Variants in GABRR3 observed in about 807,000 individuals in gnomAD.
GABRR3 encodes the protein gamma-aminobutyric acid type A receptor subunit rho3.
In GABRR3, 29 loss-of-function variants were observed where a neutral mutation model predicts 43.2. The observed-to-expected ratio is 0.67, with a 90% CI of 0.50 to 0.92. GABRR3 has a LOEUF of 0.92. Ranked by LOEUF, GABRR3 falls within the 40% of genes least tolerant of loss-of-function variation. The pLI is 0.00. For missense variants in GABRR3, 576 were observed against 572.3 expected (o/e 1.01, Z -0.07); for synonymous variants, 206 against 195.9 (o/e 1.05, Z -0.43).
At chr3:98,017,927 C>T (rs1313398211) in intron 3 of GABRR3, among the ~76,000 whole-genome samples, 1 of 151,232 alleles carries the variant, frequency 6.6e-6, no homozygotes, top group Non-Finnish European at 1.5e-5. Context: ...AAATGGTATT[C>T]TAATAATCAT....
chr3:98,007,828 G>A, exon 7 of GABRR3: 3 of 1,612,400 alleles, frequency 1.9e-6, no homozygotes, highest in East Asian at 2.2e-5. Flanking sequence ...ACTGAGAAAG[G>A]GACATATGTT....
intron 3 of GABRR3, among the ~76,000 whole-genome samples, chr3:98,020,992 G>T (rs1290759036): frequency 6.6e-6 from 1 of 151,388 alleles, no homozygotes; most frequent in Non-Finnish European, 1.5e-5. Flanking sequence ...CTCCTGAGGA[G>T]CTGGGATTAC....
intron 7 of GABRR3, among the ~76,000 whole-genome samples, chr3:98,002,836 C>T (rs2107233044): frequency 6.6e-6 from 1 of 152,198 alleles, no homozygotes. Context: ...TTGGAAAACC[C>T]TTCTGCTAGT....
intron 2 of GABRR3, among the ~76,000 whole-genome samples, chr3:98,030,166 G>A (rs1368641876): frequency 6.6e-6 from 1 of 151,112 alleles, no homozygotes; most frequent in East Asian, 1.9e-4. Flanking sequence ...GCAGGTGGGA[G>A]TATAAATATT....
At chr3:97,990,632 C>A (rs998247395) in intron 9 of GABRR3, among the ~76,000 whole-genome samples, 27 of 152,162 alleles carry the variant, frequency 1.8e-4, no homozygotes, top group Admixed American at 1.8e-3. Context: ...CAGGCATGAA[C>A]CACTGTGCCT....
intron 3 of GABRR3, among the ~76,000 whole-genome samples, chr3:98,019,873 C>T (rs115370043): frequency 0.014 from 2,130 of 152,204 alleles, 58 homozygotes; most frequent in African/African-American, 0.048. Flanking sequence ...CAAATTATGA[C>T]AATTTTTAAA....
At chr3:97,986,568 C>A (rs1706388447), downstream of GABRR3, 4 of 677,060 alleles carry the variant, frequency 5.9e-6, no homozygotes, top group South Asian at 6.2e-5. Context: ...TTCATTAGGG[C>A]AGGAGAGGTG....
At chr3:98,031,129 G>A (rs1707081973) in intron 2 of GABRR3, among the ~76,000 whole-genome samples, 1 of 152,124 alleles carries the variant, frequency 6.6e-6, no homozygotes, top group African/African-American at 2.4e-5. Flanking sequence ...TTTTTCAATA[G>A]CCTGTCTCTT....
chr3:98,031,757 T>A (rs557231430), intron 2 of GABRR3, among the ~76,000 whole-genome samples: 2 of 151,794 alleles, frequency 1.3e-5, no homozygotes, highest in African/African-American at 4.8e-5. Flanking sequence ...AAAAAAAAGT[T>A]AAAAATTAAA....
At chr3:97,991,373 G>C (rs539462425) in intron 9 of GABRR3, among the ~76,000 whole-genome samples, 2 of 152,258 alleles carry the variant, frequency 1.3e-5, no homozygotes, top group South Asian at 4.1e-4. Context: ...CAAACCTCCT[G>C]AATTAGAGTT....
chr3:97,993,025 A>G, exon 9 of GABRR3: 1 of 1,611,352 alleles, frequency 6.2e-7, no homozygotes, highest in Non-Finnish European at 8.5e-7. Context: ...ATGATTGTGG[A>G]CATGGTCAGC....
chr3:97,994,342 T>C (rs1706508678), intron 8 of GABRR3, among the ~76,000 whole-genome samples: 1 of 152,198 alleles, frequency 6.6e-6, no homozygotes, highest in Non-Finnish European at 1.5e-5. Context: ...GTTTGTATGA[T>C]CAAGATCAAC....
At chr3:98,015,786 A>G (rs1485827708) in intron 4 of GABRR3, among the ~76,000 whole-genome samples, 2 of 152,240 alleles carry the variant, frequency 1.3e-5, no homozygotes, top group Non-Finnish European at 2.9e-5. Context: ...AACACGTGAT[A>G]GAGTTTGGAT....
intron 8 of GABRR3, among the ~76,000 whole-genome samples, chr3:97,996,630 G>C (rs1706562952): frequency 1.3e-5 from 2 of 152,144 alleles, no homozygotes; most frequent in African/African-American, 4.8e-5. Flanking sequence ...AACGATGGAG[G>C]CAAAGAAAGA....
At chr3:98,030,950 T>G (rs1252656485) in intron 2 of GABRR3, among the ~76,000 whole-genome samples, 1 of 152,186 alleles carries the variant, frequency 6.6e-6, no homozygotes, top group Non-Finnish European at 1.5e-5. Context: ...AATCAATTGG[T>G]CCAATTTTTC....
chr3:98,003,937 C>T (rs1008275091), intron 7 of GABRR3, among the ~76,000 whole-genome samples: 3 of 152,108 alleles, frequency 2.0e-5, no homozygotes, highest in African/African-American at 7.2e-5. Context: ...ATGTGTATGG[C>T]ATCATCAGTT....
chr3:98,019,052 G>A (rs1706906102), intron 3 of GABRR3, among the ~76,000 whole-genome samples: 1 of 151,226 alleles, frequency 6.6e-6, no homozygotes, highest in Admixed American at 6.6e-5. Context: ...AGGGGCTGCA[G>A]TGAGCTGAGA....
intron 7 of GABRR3, among the ~76,000 whole-genome samples, chr3:98,002,609 T>C (rs1706665229): frequency 6.6e-6 from 1 of 152,196 alleles, no homozygotes; most frequent in East Asian, 1.9e-4. Context: ...TTCTAATTTA[T>C]ATTACCTTGC....
At chr3:98,007,800 T>C in exon 7 of GABRR3, 1 of 1,613,560 alleles carries the variant, frequency 6.2e-7, no homozygotes, top group South Asian at 1.1e-5. Context: ...CTAGATGCAC[T>C]GAAGTCTTCA....
Sources: gnomAD v4.1 joint callset for allele counts (sites outside exome capture counted in the v4.1 genomes callset) on GRCh38, gnomAD v4.1.1 for gene constraint, MANE v1.5 for transcripts, NCBI Gene and HGNC (gene_info 2026-07-23, HGNC 2026-07-21) for gene names.